RAPGEF5: variants seen among roughly 807,000 people sequenced by gnomAD.
The protein encoded by RAPGEF5 is M-Ras-regulated GEF.
In RAPGEF5, 65 loss-of-function variants were observed where a neutral mutation model predicts 125.2. The observed-to-expected ratio is 0.52, with a 90% CI of 0.43 to 0.64. The LOEUF is 0.64. Ranked by LOEUF, RAPGEF5 falls within the 30% of genes least tolerant of loss-of-function variation. The pLI is 0.00. For synonymous variants in RAPGEF5, 391 were observed against 385.9 expected, an observed-to-expected ratio of 1.01 and a Z score of -0.16; for missense variants, 958 against 1,048.1, an observed-to-expected ratio of 0.91 and a Z score of 1.19.
At chr7:22,134,381 T>C (rs2128101021) in intron 23 of RAPGEF5, among the ~76,000 whole-genome samples, 1 of 152,234 alleles carries the variant, frequency 6.6e-6, no homozygotes, top group East Asian at 1.9e-4. Flanking sequence ...TCTTATTCTT[T>C]TGAAATGAGT....
chr7:22,271,741 T>C (rs1039860336), intron 6 of RAPGEF5, among the ~76,000 whole-genome samples: 3 of 152,272 alleles, frequency 2.0e-5, no homozygotes, highest in South Asian at 4.2e-4. Context: ...GTCAGAAACA[T>C]GTTGAAATGT....
chr7:22,288,671 C>T (rs985373579), intron 6 of RAPGEF5, among the ~76,000 whole-genome samples: 5 of 151,986 alleles, frequency 3.3e-5, no homozygotes, highest in South Asian at 2.1e-4. Context: ...TACAGGTGCC[C>T]GCCACCACGC....
At chr7:22,256,101 G>C (rs1786753742) in intron 7 of RAPGEF5, among the ~76,000 whole-genome samples, 1 of 152,128 alleles carries the variant, frequency 6.6e-6, no homozygotes, top group African/African-American at 2.4e-5. Flanking sequence ...GTAGAGCCAT[G>C]TATTTTGCTT....
intron 23 of RAPGEF5, among the ~76,000 whole-genome samples, chr7:22,132,961 C>T (rs914395574): frequency 6.6e-6 from 1 of 152,188 alleles, no homozygotes; most frequent in African/African-American, 2.4e-5. Flanking sequence ...TCCCCCTCAC[C>T]ACTGCGCCTC....
At chr7:22,190,371 C>T (rs1227873811) in intron 11 of RAPGEF5, among the ~76,000 whole-genome samples, 2 of 152,158 alleles carry the variant, frequency 1.3e-5, no homozygotes, top group Admixed American at 6.5e-5. Flanking sequence ...AGGAAAGATA[C>T]GTACTTGAGG....
chr7:22,197,726 A>ATCT (rs1170173131), intron 9 of RAPGEF5, among the ~76,000 whole-genome samples: 4 of 152,026 alleles, frequency 2.6e-5, no homozygotes, highest in Non-Finnish European at 4.4e-5. Context: ...CAAGTACCCT[A>ATCT]TCTTCTTTGA....
intron 2 of RAPGEF5, among the ~76,000 whole-genome samples, chr7:22,316,475 ATATATATATATATATTTTTTTT>A (rs1562525615): frequency 1.8e-5 from 1 of 54,500 alleles, no homozygotes; most frequent in Non-Finnish European, 3.5e-5. Flanking sequence ...ATATATATAT[ATATATATATATATATTTTTTTT>A]TTTTTTTTTT....
intron 1 of RAPGEF5, among the ~76,000 whole-genome samples, chr7:22,332,727 C>G (rs1266017809): frequency 6.6e-6 from 1 of 152,186 alleles, no homozygotes; most frequent in Non-Finnish European, 1.5e-5. Context: ...TCACCTAAGT[C>G]CTATGTATCT....
intron 6 of RAPGEF5, among the ~76,000 whole-genome samples, chr7:22,274,259 C>T (rs560438011): frequency 6.6e-6 from 1 of 152,270 alleles, no homozygotes; most frequent in South Asian, 2.1e-4. Context: ...GCCCTAGATC[C>T]CCATAGCCAT....
At chr7:22,303,929 C>A (rs149878908) in intron 5 of RAPGEF5, among the ~76,000 whole-genome samples, 1 of 152,104 alleles carries the variant, frequency 6.6e-6, no homozygotes, top group Non-Finnish European at 1.5e-5. Flanking sequence ...GAGGAAAGAG[C>A]AAGAGTATCA....
intron 20 of RAPGEF5, among the ~76,000 whole-genome samples, chr7:22,143,577 T>G (rs918693773): frequency 2.6e-5 from 4 of 152,228 alleles, no homozygotes; most frequent in African/African-American, 9.6e-5. Context: ...AACAGATTAC[T>G]GTCTAACCAC....
chr7:22,121,850 GTC>G lies in RAPGEF5; in HGVS notation c.*554_*555del, dbSNP rs1782591410. ...CATCAGAGCATGGATGCTAGCTGCA[GTC>G]CTCACTAACTCCCTAGACACAAGTG... On this transcript the variant is annotated 3_prime_UTR_variant, in exon 26 of 26. Transcript: ENST00000665637. 1 of 154,532 alleles carries G rather than the reference GTC, an allele frequency of 6.5e-6. No homozygotes were observed. The highest frequency in any genetic ancestry group is 2.0e-4 in the South Asian group (1 of 4,918). The allele number at this position is 154,532 out of a possible 1,614,324, so 9.6% of individuals were successfully genotyped here.
intron 17 of RAPGEF5, 56 bp from the exon 18 acceptor site, chr7:22,150,560 CAGT>C: frequency 6.5e-7 from 1 of 1,548,182 alleles, no homozygotes; most frequent in Non-Finnish European, 8.6e-7. Context: ...AGAGTAGCAG[CAGT>C]AGGCCTACAC....
intron 21 of RAPGEF5, among the ~76,000 whole-genome samples, chr7:22,138,884 T>C (rs1416676946): frequency 1.3e-5 from 2 of 152,226 alleles, no homozygotes; most frequent in African/African-American, 4.8e-5. Context: ...AAGCCATTTG[T>C]TTTCCTCCTA....
rs912328690 is a variant in RAPGEF5 at position 22,148,035 on chromosome 7, G to A, written c.1885-1016C>T. ...TCCCACAGACTCAGTCCTCTCAGCA[G>A]CATGTCAAGGTCCACTTTGTCTCTG... On this transcript the variant is annotated intron_variant, in intron 18 of 25. Transcript: ENST00000665637. Among the ~76,000 whole-genome samples, 4 of 152,180 alleles carry A rather than the reference G, an allele frequency of 2.6e-5. No homozygotes were observed. In the South Asian group the frequency reaches 6.2e-4, roughly 24 times the overall value.
chr7:22,278,861 GACTT>G (rs1266570894), intron 6 of RAPGEF5, among the ~76,000 whole-genome samples: 3 of 151,760 alleles, frequency 2.0e-5, no homozygotes, highest in Non-Finnish European at 2.9e-5. Context: ...TGTATTCACT[GACTT>G]AATTTATATG....
intron 1 of RAPGEF5, among the ~76,000 whole-genome samples, chr7:22,337,212 CTGGTT>C (rs1324166723): frequency 6.6e-6 from 1 of 152,268 alleles, no homozygotes; most frequent in Non-Finnish European, 1.5e-5. Flanking sequence ...ATGGGTGCTG[CTGGTT>C]TGGTTGGGGA....
intron 22 of RAPGEF5, 58 bp downstream of exon 22, chr7:22,136,875 G>A: frequency 7.1e-7 from 1 of 1,409,106 alleles, no homozygotes; most frequent in South Asian, 1.3e-5. Flanking sequence ...AATGTAGAAA[G>A]AAACTAGACC....
Position 22,305,255 on chromosome 7 carries a change from A to G in RAPGEF5, c.680+3084T>C, listed in dbSNP as rs550652657. Among the ~76,000 whole-genome samples, 8 of 152,350 alleles carry G rather than the reference A, an allele frequency of 5.3e-5. No individual in the cohort carries two copies. The South Asian group carries it at 1.5e-3, about 28-fold the overall frequency. On this transcript the variant is annotated intron_variant, in intron 5 of 25. Transcript: ENST00000665637. Reference sequence around the variant, plus strand: ...TCTGAAAGTAAAATAATGAATATAAAGCATTCAGCACAGTGCCTGACCTAA... The same window carrying G: ...TCTGAAAGTAAAATAATGAATATAAGGCATTCAGCACAGTGCCTGACCTAA...
Sources: allele counts gnomAD v4.1 joint callset (sites outside exome capture counted in the v4.1 genomes callset), GRCh38; gene constraint gnomAD v4.1.1; transcripts MANE v1.5; gene names NCBI Gene and HGNC (gene_info 2026-07-23, HGNC 2026-07-21).